The following FYN variants were observed in gnomAD, a reference collection of about 807,000 sequenced individuals.
FYN encodes FYN proto-oncogene, Src family tyrosine kinase, also known as tyrosine-protein kinase Fyn.
A neutral mutation model predicts 70.2 loss-of-function variants in FYN; 10 were observed. The observed-to-expected ratio is 0.14, with a 90% CI of 0.09 to 0.24. The LOEUF (loss-of-function observed/expected upper bound fraction) is 0.24. Among genes scored for constraint, FYN ranks in the 10% least tolerant of loss-of-function variants. The probability of loss-of-function intolerance (pLI) is 1.00; values close to 1 mark genes in which losing one functional copy is unlikely to be tolerated. For synonymous variants in FYN, 236 were observed against 248.6 expected (o/e 0.95, Z 0.48); for missense variants, 319 against 673.1 (o/e 0.47, Z 5.82).
chr6:111,691,472 T>A (rs1305078345), intron 12 of FYN, among the ~76,000 whole-genome samples: 112 of 152,314 alleles, frequency 7.4e-4, no homozygotes, highest in Non-Finnish European at 1.8e-4. Flanking sequence ...AAAACCCGAC[T>A]TGCAAATATT....
intron 3 of FYN, among the ~76,000 whole-genome samples, chr6:111,746,207 T>C (rs1362792096): frequency 2.0e-5 from 3 of 152,236 alleles, no homozygotes; most frequent in East Asian, 3.8e-4. Flanking sequence ...GTGCAATGTA[T>C]AAACAGATTT....
chr6:111,683,094 G>A (rs542267165), intron 12 of FYN, among the ~76,000 whole-genome samples: 7 of 152,338 alleles, frequency 4.6e-5, no homozygotes, highest in Admixed American at 1.3e-4. Context: ...CCTGTGAGGC[G>A]CTCCTGGGAA....
intron 1 of FYN, among the ~76,000 whole-genome samples, chr6:111,869,828 G>GT (rs1273118487): frequency 6.6e-6 from 1 of 152,208 alleles, no homozygotes; most frequent in African/African-American, 2.4e-5. Flanking sequence ...TCAGATGATT[G>GT]TATCACATGG....
intron 3 of FYN, among the ~76,000 whole-genome samples, chr6:111,749,626 T>C (rs1802396684): frequency 1.3e-5 from 2 of 152,230 alleles, no homozygotes; most frequent in African/African-American, 2.4e-5. Context: ...CATGTAATTA[T>C]CTGCTAGAAG....
At chr6:111,670,436 A>G (rs1014754935) in intron 13 of FYN, among the ~76,000 whole-genome samples, 9 of 152,216 alleles carry the variant, frequency 5.9e-5, no homozygotes, top group African/African-American at 2.2e-4. Context: ...TACCAGCAGC[A>G]AACATTCAAT....
chr6:111,717,292 G>GA lies in FYN; in HGVS notation c.247+2512dup, dbSNP rs1014462990. ...CTCTGAATAAAAAACATCTGAAATT[G>GA]AAAAAAAAAAGAAATTAAATGTGTT... is the stretch of plus-strand genomic sequence containing the variant. On this transcript the variant is annotated intron_variant, in intron 4 of 13. Transcript: ENST00000354650. Among the ~76,000 whole-genome samples the GA allele has an allele frequency of 5.9e-4, 86 of 146,504 alleles. No homozygotes were observed. The South Asian group carries it at 7.0e-3, about 12-fold the overall frequency.
intron 3 of FYN, among the ~76,000 whole-genome samples, chr6:111,733,535 G>A (rs777347336): frequency 2.6e-4 from 39 of 152,208 alleles, no homozygotes; most frequent in Non-Finnish European, 5.4e-4. Context: ...CAGTGCATTA[G>A]CCCAGAACCA....
At chr6:111,756,697 C>T (rs940513891) in intron 3 of FYN, among the ~76,000 whole-genome samples, 3 of 151,974 alleles carry the variant, frequency 2.0e-5, no homozygotes, top group Admixed American at 6.6e-5. Context: ...CTGTACTATC[C>T]GATTAAAAGA....
intron 3 of FYN, among the ~76,000 whole-genome samples, chr6:111,768,229 T>C (rs1271295418): frequency 6.6e-6 from 1 of 152,206 alleles, no homozygotes; most frequent in Admixed American, 6.5e-5. Flanking sequence ...TTAAACAAAC[T>C]CCTTCGAGGT....
chr6:111,799,446 T>C (rs1771914270), intron 2 of FYN, among the ~76,000 whole-genome samples: 1 of 152,196 alleles, frequency 6.6e-6, no homozygotes. Flanking sequence ...CTTTACTGGC[T>C]ATTGACATGA....
intron 2 of FYN, among the ~76,000 whole-genome samples, chr6:111,789,968 A>T (rs866324232): frequency 1.3e-5 from 2 of 152,146 alleles, no homozygotes; most frequent in Non-Finnish European, 2.9e-5. Flanking sequence ...GTTAATAATG[A>T]TGTGTGCAGA....
At chr6:111,671,093 A>G (rs1798245392) in intron 13 of FYN, among the ~76,000 whole-genome samples, 1 of 152,244 alleles carries the variant, frequency 6.6e-6, no homozygotes. Context: ...CATACTTGTT[A>G]CACATCTCGA....
chr6:111,850,913 C>T (rs534685011), intron 1 of FYN, among the ~76,000 whole-genome samples: 1 of 152,324 alleles, frequency 6.6e-6, no homozygotes, highest in East Asian at 1.9e-4. Flanking sequence ...CCACGTTTCC[C>T]CAGGAAAAAT....
intron 4 of FYN, 105 bp from the exon 5 acceptor site, chr6:111,714,548 C>G: frequency 1.2e-6 from 1 of 808,190 alleles, no homozygotes; most frequent in Non-Finnish European, 2.1e-6. Context: ...CTACATCTAG[C>G]CAGCACTAAT....
intron 5 of FYN, among the ~76,000 whole-genome samples, chr6:111,713,608 A>C (rs541936055): frequency 1.3e-5 from 2 of 152,070 alleles, no homozygotes; most frequent in South Asian, 4.2e-4. Context: ...ACACTGCCTC[A>C]ATCTAATAGA....
chr6:111,710,444 A>G (rs1394726241), intron 5 of FYN, among the ~76,000 whole-genome samples: 1 of 152,226 alleles, frequency 6.6e-6, no homozygotes, highest in Admixed American at 6.5e-5. Context: ...ACAGATCAGA[A>G]TGCAATTATC....
At chr6:111,816,312 T>C (rs933712066) in intron 2 of FYN, among the ~76,000 whole-genome samples, 1 of 152,134 alleles carries the variant, frequency 6.6e-6, no homozygotes, top group Admixed American at 6.5e-5. Context: ...TATGACATAC[T>C]AACAACTAGA....
At chr6:111,665,474 T>A (rs1241028759) in intron 13 of FYN, among the ~76,000 whole-genome samples, 1 of 152,192 alleles carries the variant, frequency 6.6e-6, no homozygotes, top group Non-Finnish European at 1.5e-5. Context: ...TTTAGCCACT[T>A]TTCCCCAAGA....
intron 12 of FYN, among the ~76,000 whole-genome samples, chr6:111,679,842 T>G (rs556248276): frequency 1.5e-4 from 23 of 152,220 alleles, no homozygotes; most frequent in African/African-American, 5.1e-4. Flanking sequence ...AGCCCCATAC[T>G]TTGTTCTCTG....
Sources: allele counts gnomAD v4.1 joint callset (sites outside exome capture counted in the v4.1 genomes callset), GRCh38; gene constraint gnomAD v4.1.1; transcripts MANE v1.5; gene names NCBI Gene and HGNC (gene_info 2026-07-23, HGNC 2026-07-21).